ZNF581: variants seen among roughly 807,000 people sequenced by gnomAD.
ZNF581 encodes zinc finger protein 581.
Under a neutral mutation model 1.2 loss-of-function variants are expected in ZNF581, and 1 was observed. The observed-to-expected ratio is 0.83, with a 90% CI of 0.30 to 3.95. The LOEUF (loss-of-function observed/expected upper bound fraction) is 3.95, where lower values mean the gene tolerates loss of function less well. Among genes scored for constraint, ZNF581 ranks in the 30% most tolerant of loss-of-function variants. The pLI, the probability that ZNF581 is intolerant of heterozygous loss-of-function variation, is 0.18. For missense variants in ZNF581, 273 were observed against 274.6 expected, an observed-to-expected ratio of 0.99 and a Z score of 0.04; for synonymous variants, 105 against 109.2, an observed-to-expected ratio of 0.96 and a Z score of 0.24.
chr19:55,642,732 G>A, upstream of ZNF581: 1 of 1,514,740 alleles, frequency 6.6e-7, no homozygotes, highest in African/African-American at 1.4e-5. Flanking sequence ...GAGCCCCGGG[G>A]CCCGCCCCAG....
Position 55,644,791 on chromosome 19 carries a change from G to C in ZNF581, c.220G>C (p.Glu74Gln). ...GCTGGTGGACGAGGAGTCACAGAGGGAGCCAGGGGCCAGTGGGGCTCCAGG... is the reference window on the plus strand; with the variant it reads ...GCTGGTGGACGAGGAGTCACAGAGGCAGCCAGGGGCCAGTGGGGCTCCAGG... Reference protein sequence around the residue: ...TVLVDEESQREPGASGAPGQK... With the variant: ...TVLVDEESQRQPGASGAPGQK... Residue 74 changes from glutamate (E) to glutamine (Q), a missense_variant, in exon 2 of 2, where the codon GAG (glutamate) becomes CAG (glutamine). Coordinates refer to ENST00000270451, the MANE Select transcript of ZNF581 (RefSeq NM_016535.4). This position sits in a 1 kb window ranked among gnomAD's most constrained non-coding sequence, Gnocchi z 4.3. The C allele has an allele frequency of 2.5e-6, 4 of 1,613,308 alleles. No individual in the cohort carries two copies. Among genetic ancestry groups the C allele is most frequent in the Non-Finnish European group, 3.4e-6 (4 of 1,179,338 alleles).
chr19:55,635,787 T>A (rs985583047), intron 1 of ZNF581: 1 of 910,882 alleles, frequency 1.1e-6, no homozygotes, highest in Non-Finnish European at 1.3e-6. Context: ...GCTGAGGGGG[T>A]TATACTATAG....
At chr19:55,636,592 G>A (rs1259276862), upstream of ZNF581, among the ~76,000 whole-genome samples, 1 of 152,146 alleles carries the variant, frequency 6.6e-6, no homozygotes, top group African/African-American at 2.4e-5. Flanking sequence ...TAGATTCTGA[G>A]GGTAGAATGT....
At chr19:55,642,457 A>C, upstream of ZNF581, 2 of 1,397,452 alleles carry the variant, frequency 1.4e-6, no homozygotes, top group Non-Finnish European at 1.9e-6. Context: ...TCCTAAAAGG[A>C]AGTGGCAATT....
upstream of ZNF581, among the ~76,000 whole-genome samples, chr19:55,639,850 C>T (rs1481473838): frequency 1.3e-5 from 2 of 152,210 alleles, no homozygotes; most frequent in Non-Finnish European, 2.9e-5. Flanking sequence ...CTCCTGACCT[C>T]AGGTGATCCG....
At chr19:55,642,005 C>G, upstream of ZNF581, 2 of 911,626 alleles carry the variant, frequency 2.2e-6, no homozygotes, top group South Asian at 5.3e-5. Context: ...GCCAGGAGGC[C>G]GATACGGGGG....
upstream of ZNF581, chr19:55,643,106 C>T (rs188200089): frequency 4.4e-4 from 578 of 1,318,718 alleles, 3 homozygotes; most frequent in African/African-American, 8.1e-3. Context: ...CACTCCCACA[C>T]ACACCCCCTG....
At chr19:55,641,945 C>A, upstream of ZNF581, 1 of 703,570 alleles carries the variant, frequency 1.4e-6, no homozygotes, top group Non-Finnish European at 1.7e-6. Context: ...TGAGGGAGGC[C>A]ACGGAATATG....
upstream of ZNF581, chr19:55,643,080 C>T (rs928852238): frequency 7.5e-7 from 1 of 1,336,482 alleles, no homozygotes; most frequent in Non-Finnish European, 9.6e-7. Context: ...CCAAGTCTGA[C>T]CCACACAGCG....
rs937514961 is a variant in ZNF581, at chr19:55,645,308, G to A, written c.*143G>A. On this transcript the variant is annotated 3_prime_UTR_variant, in exon 2 of 2. Transcript: ENST00000270451. ...AGCCGCATCTCAAAGGCAGAGCCCT[G>A]CCTGAAGGAGGAATCCGTGAGTAAT... 7.6e-6 allele frequency: 5 copies of A among 659,242 alleles called. No homozygotes were observed. Among genetic ancestry groups the A allele is most frequent in the Non-Finnish European group, 1.2e-5 (5 of 416,738 alleles). The allele number at this position is 659,242 out of a possible 1,614,324, so 40.8% of individuals were successfully genotyped here. A position where few individuals can be genotyped will look rare whatever the true frequency, so the allele number is the denominator to read the frequency against.
chr19:55,640,398 T>G (rs1057099326), upstream of ZNF581: 4 of 985,342 alleles, frequency 4.1e-6, no homozygotes, highest in African/African-American at 7.0e-5. Flanking sequence ...CCTCCGCATC[T>G]GGCAAAGCCT....
rs1488644747 is a variant in ZNF581, at chr19:55,644,519, A to G, written c.-19-34A>G. The G allele has an allele frequency of 2.9e-6, 4 of 1,385,474 alleles. No homozygotes were observed. The highest frequency in any genetic ancestry group is 4.9e-5 in the East Asian group (2 of 40,486). The allele number at this position is 1,385,474 out of a possible 1,614,324, so 85.8% of individuals were successfully genotyped here. A position where few individuals can be genotyped will look rare whatever the true frequency, so the allele number is the denominator to read the frequency against. ...CTGTGGTGCTGAGCTGCCCTCTTCTATATAACCTTCTTATCCCATCTCCCA... is the reference window on the plus strand; with the variant it reads ...CTGTGGTGCTGAGCTGCCCTCTTCTGTATAACCTTCTTATCCCATCTCCCA... On this transcript the variant is annotated intron_variant, in intron 1 of 1. Coordinates refer to ENST00000270451, the MANE Select transcript of ZNF581 (RefSeq NM_016535.4). The surrounding 1 kb of genome is among the most constrained non-coding windows in gnomAD (Gnocchi z 4.3).
At chr19:55,640,879 C>A (rs895044503), upstream of ZNF581, 5 of 985,120 alleles carry the variant, frequency 5.1e-6, no homozygotes, top group Middle Eastern at 1.0e-3. Context: ...CGGGGGCGGG[C>A]GTCTTCAGTG....
At chr19:55,642,708 T>A, upstream of ZNF581, 1 of 1,496,318 alleles carries the variant, frequency 6.7e-7, no homozygotes, top group Non-Finnish European at 8.9e-7. Flanking sequence ...ACATACACGG[T>A]GCAGCTGGAG....
upstream of ZNF581, chr19:55,642,000 G>A (rs1484100467): frequency 5.1e-6 from 5 of 976,894 alleles, no homozygotes; most frequent in African/African-American, 1.8e-5. Context: ...GGAGGGCCAG[G>A]AGGCCGATAC....
In ZNF581 at chr19:55,644,748, G is replaced by T. The variant is rs1982749634; in HGVS notation, c.177G>T (p.Gln59His). ...ACCACTACCTGCTTATTGACACTCA[G>T]GGTGTCCCCTACACAGTGCTGGTGG... Reference protein sequence around the residue: ...RPNHYLLIDTQGVPYTVLVDE... With the variant: ...RPNHYLLIDTHGVPYTVLVDE... The change falls in exon 2 of 2, where the codon CAG becomes CAT. Residue 59 changes from glutamine (Q) to histidine (H), a missense_variant. Transcript: ENST00000270451. The surrounding 1 kb of genome is among the most constrained non-coding windows in gnomAD (Gnocchi z 4.3). 1.2e-6 allele frequency: 2 copies of T among 1,614,124 alleles called. No homozygotes were observed. The highest frequency in any genetic ancestry group is 2.2e-5 in the South Asian group (2 of 91,084).
chr19:55,641,522 G>GA (rs1982477357), upstream of ZNF581, among the ~76,000 whole-genome samples: 1 of 152,176 alleles, frequency 6.6e-6, no homozygotes, highest in African/African-American at 2.4e-5. Flanking sequence ...TGGAAGAGGT[G>GA]AACACGAGGA....
At chr19:55,639,018 A>AAG (rs910568594), upstream of ZNF581, among the ~76,000 whole-genome samples, 3 of 150,886 alleles carry the variant, frequency 2.0e-5, no homozygotes, top group African/African-American at 7.3e-5. Flanking sequence ...AAAAAAAAAA[A>AAG]AAAAAAGAAA....
At chr19:55,642,163 GGATT>G (rs1444265744), upstream of ZNF581, 13 of 1,079,812 alleles carry the variant, frequency 1.2e-5, no homozygotes, top group East Asian at 3.0e-4. Context: ...ACAGATTTAG[GGATT>G]GATTGTCTGC....
Sources: allele counts gnomAD v4.1 joint callset (sites outside exome capture counted in the v4.1 genomes callset), GRCh38; gene constraint gnomAD v4.1.1; non-coding constraint Gnocchi (gnomAD v3.1); transcripts MANE v1.5; gene names NCBI Gene and HGNC (gene_info 2026-07-23, HGNC 2026-07-21).